Variants in RTN4IP1 observed in about 807,000 individuals in gnomAD.
The protein encoded by RTN4IP1 is reticulon 4 interacting protein 1.
RTN4IP1 carries 32 observed loss-of-function variants against 46.6 expected under a neutral mutation model. The observed-to-expected ratio is 0.69, with a 90% confidence interval of 0.52 to 0.92. RTN4IP1 has a LOEUF of 0.92. Among genes scored for constraint, RTN4IP1 ranks in the 40% least tolerant of loss-of-function variants. The pLI is 0.00. For missense variants in RTN4IP1, 424 were observed against 485.8 expected, an observed-to-expected ratio of 0.87 and a Z score of 1.20; for synonymous variants, 167 against 161.8, an observed-to-expected ratio of 1.03 and a Z score of -0.24.
At chr6:106,594,946 C>A (rs1471888816) in intron 5 of RTN4IP1, among the ~76,000 whole-genome samples, 1 of 151,974 alleles carries the variant, frequency 6.6e-6, no homozygotes, top group Non-Finnish European at 1.5e-5. Flanking sequence ...GCACTACAGG[C>A]ACGTCACACC....
intron 5 of RTN4IP1, among the ~76,000 whole-genome samples, chr6:106,597,019 T>C (rs976647747): frequency 1.3e-5 from 2 of 152,204 alleles, no homozygotes; most frequent in South Asian, 2.1e-4. Context: ...AAGTAGCACA[T>C]GTGCTATTTT....
chr6:106,619,757 G>A (rs1294081067), intron 3 of RTN4IP1, among the ~76,000 whole-genome samples: 5 of 150,644 alleles, frequency 3.3e-5, no homozygotes, highest in African/African-American at 7.4e-5. Context: ...GACTACAGGC[G>A]CCCGCCACTG....
intron 6 of RTN4IP1, among the ~76,000 whole-genome samples, chr6:106,589,854 C>T (rs948889035): frequency 1.3e-5 from 2 of 152,162 alleles, no homozygotes; most frequent in Admixed American, 6.5e-5. Context: ...TTATAAGTCA[C>T]GAAGTTCCCC....
At chr6:106,621,113 C>T (rs1474801601) in intron 3 of RTN4IP1, among the ~76,000 whole-genome samples, 1 of 152,178 alleles carries the variant, frequency 6.6e-6, no homozygotes, top group Non-Finnish European at 1.5e-5. Context: ...CCACTGATGA[C>T]TAATCCATCC....
In RTN4IP1 at chr6:106,595,225, C is replaced by T. The variant is rs185703905; in HGVS notation, c.670-2925G>A. 5.3e-5 allele frequency among the ~76,000 whole-genome samples: 8 copies of T among 152,252 alleles called. No individual in the cohort carries two copies. In the East Asian group the frequency reaches 1.5e-3, roughly 29 times the overall value. On this transcript the variant is annotated intron_variant, in intron 5 of 8. Coordinates refer to ENST00000369063, the MANE Select transcript of RTN4IP1 (RefSeq NM_032730.5). ...ACAGTCTGGAATTTCTAACTGCACA[C>T]CCACGGGACAGTTCCACACGTCGCT...
intron 4 of RTN4IP1, among the ~76,000 whole-genome samples, chr6:106,618,249 C>G (rs1776398888): frequency 6.6e-6 from 1 of 151,952 alleles, no homozygotes; most frequent in Non-Finnish European, 1.5e-5. Flanking sequence ...ATCACACAGA[C>G]TTCAGTTATG....
rs1193663374 is a variant in RTN4IP1, at chr6:106,629,263, T to A, written c.-242A>T. The A allele has an allele frequency of 1.8e-6, 1 of 564,726 alleles. No homozygotes were observed. Among genetic ancestry groups the A allele is most frequent in the Non-Finnish European group, 3.1e-6 (1 of 319,484 alleles). 35.0% of individuals were successfully genotyped at this position (564,726 alleles called of 1,614,324 possible). A position where few individuals can be genotyped will look rare whatever the true frequency, so the allele number is the denominator to read the frequency against. On this transcript the variant is annotated 5_prime_UTR_variant, in exon 1 of 9. The change abolishes an upstream ATG in the 5' untranslated region. Coordinates refer to ENST00000369063, the MANE Select transcript of RTN4IP1 (RefSeq NM_032730.5). ...AACGTTCCAGTCAGTATTCTGTCCA[T>A]TCTCCTCCCTCACTTTCACCCCCTC...
chr6:106,592,231 G>C lies in RTN4IP1; in HGVS notation c.739C>G (p.Leu247Val). Residue 247 changes from leucine (L) to valine (V), a missense_variant, in exon 6 of 9, where the codon CTT (leucine) becomes GTT (valine). Physicochemically the swap from Leu to Val is conservative, Grantham distance 32. Transcript: ENST00000369063. Reference sequence around the variant, plus strand: ...TAATCAATTACATCGTCTGCACCAAGCTTCCTTACAAGTTCACTGGCATCT... The same window carrying C: ...TAATCAATTACATCGTCTGCACCAACCTTCCTTACAAGTTCACTGGCATCT... ...SQDASELVRK[L>V]GADDVIDYKS... 6.2e-7 allele frequency: 1 copy of C among 1,613,930 alleles called. No homozygotes were observed. Among genetic ancestry groups the C allele is most frequent in the Non-Finnish European group, 8.5e-7 (1 of 1,179,968 alleles).
chr6:106,625,661 C>CTTTTTTTTTTT (rs773454257), intron 1 of RTN4IP1, among the ~76,000 whole-genome samples: 34 of 112,784 alleles, frequency 3.0e-4, no homozygotes, highest in Admixed American at 3.8e-4. Flanking sequence ...TCTTTTTTTT[C>CTTTTTTTTTTT]TTTTTTTTTT....
At chr6:106,601,221 C>T (rs898835050) in intron 5 of RTN4IP1, among the ~76,000 whole-genome samples, 6 of 152,070 alleles carry the variant, frequency 3.9e-5, no homozygotes, top group African/African-American at 9.7e-5. Flanking sequence ...ATATATTCTT[C>T]GGAGAAATGT....
chr6:106,629,841 A>G, upstream of RTN4IP1: 2 of 1,063,752 alleles, frequency 1.9e-6, no homozygotes, highest in Non-Finnish European at 2.7e-6. Flanking sequence ...GGGGATAAGT[A>G]CCTTTCGATT....
At chr6:106,599,283 G>T (rs1170542908) in intron 5 of RTN4IP1, among the ~76,000 whole-genome samples, 1 of 151,654 alleles carries the variant, frequency 6.6e-6, no homozygotes, top group African/African-American at 2.4e-5. Flanking sequence ...AAAGCATACA[G>T]AATATAAATA....
At chr6:106,594,178 T>C (rs1775727919) in intron 5 of RTN4IP1, among the ~76,000 whole-genome samples, 2 of 152,160 alleles carry the variant, frequency 1.3e-5, no homozygotes, top group Non-Finnish European at 2.9e-5. Flanking sequence ...TTTTACTTAA[T>C]AAAAATTTTT....
At chr6:106,621,682 A>C (rs1468952509) in intron 2 of RTN4IP1, among the ~76,000 whole-genome samples, 189 bp from the exon 3 acceptor site, 2 of 152,216 alleles carry the variant, frequency 1.3e-5, no homozygotes, top group African/African-American at 4.8e-5. Flanking sequence ...TTATCAAGTC[A>C]AACCACGCTG....
chr6:106,592,817 T>G (rs1201964187), intron 5 of RTN4IP1, among the ~76,000 whole-genome samples: 1 of 152,040 alleles, frequency 6.6e-6, no homozygotes. Context: ...TAATCCCAGC[T>G]ACTTGGGTGG....
At chr6:106,612,821 G>C (rs1776260058) in intron 4 of RTN4IP1, among the ~76,000 whole-genome samples, 1 of 152,110 alleles carries the variant, frequency 6.6e-6, no homozygotes, top group Admixed American at 6.5e-5. Context: ...AATTAGTTTA[G>C]TCTGTGTGGG....
intron 3 of RTN4IP1, among the ~76,000 whole-genome samples, chr6:106,619,895 G>T (rs1228107009): frequency 6.6e-6 from 1 of 151,656 alleles, no homozygotes; most frequent in East Asian, 1.9e-4. Flanking sequence ...ACAGGCGTAA[G>T]CCACCGCGCC....
intron 8 of RTN4IP1, among the ~76,000 whole-genome samples, chr6:106,573,674 C>A (rs1389435418): frequency 1.3e-5 from 2 of 152,186 alleles, no homozygotes; most frequent in Non-Finnish European, 2.9e-5. Context: ...ATAAGTTGCC[C>A]TATGTCACAC....
At chr6:106,609,051 T>C (rs1034799495) in intron 4 of RTN4IP1, among the ~76,000 whole-genome samples, 1 of 152,222 alleles carries the variant, frequency 6.6e-6, no homozygotes, top group Non-Finnish European at 1.5e-5. Context: ...ATGCTATAAT[T>C]ACCTGCTGAG....
Sources: gnomAD v4.1 joint callset for allele counts (sites outside exome capture counted in the v4.1 genomes callset) on GRCh38, gnomAD v4.1.1 for gene constraint, MANE v1.5 for transcripts, NCBI Gene and HGNC (gene_info 2026-07-23, HGNC 2026-07-21) for gene names.